Variants in NDRG3 observed in about 807,000 individuals in gnomAD.
NDRG3 encodes NDRG family member 3.
In NDRG3, 23 loss-of-function variants were observed where a neutral mutation model predicts 57.2. That is an observed-to-expected ratio of 0.40 (90% CI 0.29 to 0.57). NDRG3 has a LOEUF of 0.57. NDRG3 is among the 20% of genes least tolerant of loss of function. The pLI is 0.42. For missense variants in NDRG3, 384 were observed against 457.3 expected (o/e 0.84, Z 1.46); for synonymous variants, 132 against 162.6 (o/e 0.81, Z 1.43).
At chr20:36,739,782 C>T (rs1018101447) in intron 1 of NDRG3, among the ~76,000 whole-genome samples, 3 of 150,796 alleles carry the variant, frequency 2.0e-5, no homozygotes, top group African/African-American at 7.3e-5. Flanking sequence ...CGGTGGCGGG[C>T]GCCTGTAGTC....
At chr20:36,684,072 G>A (rs1469488152) in intron 6 of NDRG3, among the ~76,000 whole-genome samples, 1 of 152,164 alleles carries the variant, frequency 6.6e-6, no homozygotes, top group Non-Finnish European at 1.5e-5. Context: ...ACAACTCACT[G>A]TAGCCTTGAA....
intron 8 of NDRG3, among the ~76,000 whole-genome samples, chr20:36,677,141 A>C (rs1384780278): frequency 6.6e-6 from 1 of 152,166 alleles, no homozygotes; most frequent in Non-Finnish European, 1.5e-5. Flanking sequence ...GCCCCTTCCC[A>C]GCTGGCGGGC....
intron 3 of NDRG3, among the ~76,000 whole-genome samples, chr20:36,704,762 T>C (rs1348658433): frequency 1.3e-5 from 2 of 152,224 alleles, no homozygotes; most frequent in Non-Finnish European, 2.9e-5. Context: ...CAAATAGTTA[T>C]TACAAACGAG....
At chr20:36,720,164 G>A (rs1274057041) in intron 2 of NDRG3, among the ~76,000 whole-genome samples, 1 of 151,478 alleles carries the variant, frequency 6.6e-6, no homozygotes, top group East Asian at 2.0e-4. Context: ...GAACAAGAGA[G>A]AAAACAAAAC....
Position 36,659,566 on chromosome 20 carries a change from G to T in NDRG3, c.858+771C>A, listed in dbSNP as rs1043207517. Among the ~76,000 whole-genome samples, 3 of 152,218 alleles carry T rather than the reference G, an allele frequency of 2.0e-5. No individual in the cohort carries two copies. In the East Asian group the frequency reaches 5.8e-4, roughly 29 times the overall value. On this transcript the variant is annotated intron_variant, in intron 13 of 15. Coordinates refer to ENST00000349004, the MANE Select transcript of NDRG3 (RefSeq NM_032013.4). ...CCTCTTTTTTGCAGTGTTTTACAAT[G>T]AGAACATATTCAGGAAAAAAGCTTT...
intron 3 of NDRG3, among the ~76,000 whole-genome samples, chr20:36,701,020 T>A (rs1346250775): frequency 6.6e-6 from 1 of 152,154 alleles, no homozygotes; most frequent in African/African-American, 2.4e-5. Context: ...GTGATCTTCC[T>A]GCCACAGCCT....
chr20:36,732,558 G>T (rs781454313), intron 1 of NDRG3, among the ~76,000 whole-genome samples: 1 of 152,162 alleles, frequency 6.6e-6, no homozygotes, highest in Non-Finnish European at 1.5e-5. Flanking sequence ...CAAGGGAAAA[G>T]ATTGGGCAGG....
chr20:36,709,378 G>C (rs1983739519), intron 2 of NDRG3, among the ~76,000 whole-genome samples: 1 of 152,152 alleles, frequency 6.6e-6, no homozygotes, highest in African/African-American at 2.4e-5. Flanking sequence ...CTTTCTAAAG[G>C]TGGCAGTAAA....
At chr20:36,744,046 G>T (rs558561629) in intron 1 of NDRG3, among the ~76,000 whole-genome samples, 101 of 150,782 alleles carry the variant, frequency 6.7e-4, no homozygotes, top group African/African-American at 2.4e-3. Flanking sequence ...GACTACAGGC[G>T]CCCACCACCA....
chr20:36,728,875 C>T (rs1375979520), intron 1 of NDRG3, among the ~76,000 whole-genome samples: 1 of 152,072 alleles, frequency 6.6e-6, no homozygotes, highest in Non-Finnish European at 1.5e-5. Flanking sequence ...ATAGGTGCCA[C>T]CATGCCCAGC....
At chr20:36,689,407 C>T (rs530978526) in intron 3 of NDRG3, among the ~76,000 whole-genome samples, 2 of 152,052 alleles carry the variant, frequency 1.3e-5, no homozygotes, top group East Asian at 3.9e-4. Context: ...CCAGGTAAGA[C>T]TTGTGGGGAA....
rs144251584 is a variant in NDRG3 at position 36,707,572 on chromosome 20, C to T, written c.58-565G>A. The stretch of plus-strand genomic sequence containing the variant: ...AAAACAAGGTTCTTAATACACTGGC[C>T]TATCTGTTGCATCCTATGAAATCGC... On this transcript the variant is annotated intron_variant, in intron 2 of 15. Transcript: ENST00000349004. 1.9e-3 allele frequency among the ~76,000 whole-genome samples: 282 copies of T among 152,228 alleles called. 2 individuals are homozygous for T. Among genetic ancestry groups the T allele is most frequent in the African/African-American group, 6.4e-3 (265 of 41,546 alleles).
chr20:36,660,319 G>C lies in NDRG3; in HGVS notation c.858+18C>G, dbSNP rs745962008. On this transcript the variant is annotated intron_variant, in intron 13 of 15. Coordinates refer to ENST00000349004, the MANE Select transcript of NDRG3 (RefSeq NM_032013.4). The stretch of plus-strand genomic sequence containing the variant: ...AAGCACATATAAGGGTTGGAAGTGA[G>C]GGAAGAAGGCACATTACCTTTAGCA... 6.3e-7 allele frequency: 1 copy of C among 1,588,722 alleles called. No homozygotes were observed. Among genetic ancestry groups the C allele is most frequent in the East Asian group, 2.3e-5 (1 of 44,030 alleles).
intron 3 of NDRG3, among the ~76,000 whole-genome samples, chr20:36,703,252 A>G (rs1202312528): frequency 3.3e-5 from 5 of 152,044 alleles, no homozygotes; most frequent in Non-Finnish European, 5.9e-5. Context: ...TATGTATATC[A>G]TATACATGTA....
intron 2 of NDRG3, among the ~76,000 whole-genome samples, chr20:36,707,913 GTC>G (rs750440307): frequency 1.4e-4 from 21 of 151,244 alleles, no homozygotes; most frequent in Non-Finnish European, 2.8e-4. Flanking sequence ...GTGAAACCCC[GTC>G]TCTACTAAAA....
intron 8 of NDRG3, among the ~76,000 whole-genome samples, chr20:36,674,985 G>A (rs2148069850): frequency 1.4e-5 from 2 of 138,838 alleles, no homozygotes; most frequent in South Asian, 4.6e-4. Flanking sequence ...GCCTCGACCT[G>A]CTGGGTTCAA....
At chr20:36,746,022 GC>G in intron 1 of NDRG3, 22 bp downstream of exon 1, 1 of 321,244 alleles carries the variant, frequency 3.1e-6, no homozygotes, top group Non-Finnish European at 5.7e-6. Context: ...CCCCCCGCGG[GC>G]CGGGCGGAGG....
chr20:36,707,872 T>C (rs527926610), intron 2 of NDRG3, among the ~76,000 whole-genome samples: 2 of 152,036 alleles, frequency 1.3e-5, no homozygotes, highest in South Asian at 4.1e-4. Context: ...TCACCTGAGG[T>C]CAGGAGTTTG....
At chr20:36,714,721 C>G (rs940200828) in intron 2 of NDRG3, among the ~76,000 whole-genome samples, 1 of 151,500 alleles carries the variant, frequency 6.6e-6, no homozygotes, top group Non-Finnish European at 1.5e-5. Flanking sequence ...TCACGCCATT[C>G]TCCTGCCTCA....
Sources: gnomAD v4.1 joint callset for allele counts (sites outside exome capture counted in the v4.1 genomes callset) on GRCh38, gnomAD v4.1.1 for gene constraint, MANE v1.5 for transcripts, NCBI Gene and HGNC (gene_info 2026-07-23, HGNC 2026-07-21) for gene names.